PIN4: variants seen among roughly 807,000 people sequenced by gnomAD.
The protein encoded by PIN4 is peptidylprolyl cis/trans isomerase, NIMA-interacting 4, also known as peptidyl-prolyl cis-trans isomerase NIMA-interacting 4.
Under a neutral mutation model 8.3 loss-of-function variants are expected in PIN4, and 3 were observed. The ratio of observed to expected loss-of-function variants is 0.36; its 90% CI spans 0.16 to 0.93. PIN4 has a LOEUF of 0.93. Ranked by LOEUF, PIN4 falls within the 40% of genes least tolerant of loss-of-function variation. PIN4 has a pLI of 0.44. For missense variants in PIN4, 75 were observed against 100.6 expected (o/e 0.75, Z 1.09); for synonymous variants, 18 against 32.5 (o/e 0.55, Z 1.52).
At chrX:72,248,620 G>A (rs1008997205) in intron 3 of PIN4, among the ~76,000 whole-genome samples, 1 of 112,551 alleles carries the variant, frequency 8.9e-6, no homozygotes, top group Non-Finnish European at 1.9e-5. Flanking sequence ...GCTCATGCCT[G>A]TAATCCCATC....
chrX:72,230,975 A>C (rs189174224), intron 3 of PIN4, among the ~76,000 whole-genome samples: 101 of 111,826 alleles, frequency 9.0e-4, no homozygotes, highest in African/African-American at 3.2e-3. Context: ...TAAATAAATA[A>C]ATACATACAT....
At chrX:72,244,762 A>G (rs984827457) in intron 3 of PIN4, among the ~76,000 whole-genome samples, 3 of 110,743 alleles carry the variant, frequency 2.7e-5, no homozygotes, top group Non-Finnish European at 5.7e-5. Context: ...TAACCAAATG[A>G]AGTATTCATG....
chrX:72,238,780 G>A (rs1232566037), intron 3 of PIN4: 2 of 1,069,960 alleles, frequency 1.9e-6, no homozygotes, highest in South Asian at 2.0e-5. Flanking sequence ...AGGATCCGGG[G>A]GCCACCCCAC....
At chrX:72,219,490 G>T (rs187900952) in intron 3 of PIN4, among the ~76,000 whole-genome samples, 155 of 105,148 alleles carry the variant, frequency 1.5e-3, no homozygotes, top group African/African-American at 5.1e-3. Flanking sequence ...GGAGATGGAG[G>T]TTGCAGTAAG....
At chrX:72,237,277 G>T (rs770254990) in intron 3 of PIN4, among the ~76,000 whole-genome samples, 10 of 111,436 alleles carry the variant, frequency 9.0e-5, no homozygotes, top group Non-Finnish European at 1.5e-4. Context: ...CAGGAGGATT[G>T]CTTGAACTCA....
exon 4 of PIN4, chrX:72,262,819 T>A: frequency 1.2e-6 from 1 of 846,243 alleles, no homozygotes; most frequent in Non-Finnish European, 1.7e-6. Flanking sequence ...TGCAGATGGC[T>A]GATCTCATCT....
chrX:72,229,313 G>A lies in PIN4; in HGVS notation c.312+32409G>A, dbSNP rs576403734. ...CACCTGAAGCAAATGGAGCATTTCCGCAACTGGCTCGTTTGACAGCCTCTC... is the reference window on the plus strand; with the variant it reads ...CACCTGAAGCAAATGGAGCATTTCCACAACTGGCTCGTTTGACAGCCTCTC... On this transcript the variant is annotated intron_variant, in intron 3 of 3. Coordinates refer to the PIN4 transcript ENST00000423432. Among the ~76,000 whole-genome samples the A allele has an allele frequency of 3.5e-4, 39 of 111,767 alleles. No homozygotes were observed. The South Asian group carries it at 0.014, about 41-fold the overall frequency.
chrX:72,205,604 A>G (rs201813772), intron 3 of PIN4: 14 of 1,211,697 alleles, frequency 1.2e-5, no homozygotes, highest in Non-Finnish European at 8.9e-6. Context: ...TGTTTCACAG[A>G]TGAGAATTGA....
At chrX:72,258,528 T>C (rs1193136049) in intron 3 of PIN4, among the ~76,000 whole-genome samples, 3 of 111,327 alleles carry the variant, frequency 2.7e-5, no homozygotes. Context: ...CCTTACTCCT[T>C]GTACAAAAGC....
intron 3 of PIN4, among the ~76,000 whole-genome samples, chrX:72,223,688 C>A (rs1022334926): frequency 9.0e-6 from 1 of 111,528 alleles, no homozygotes; most frequent in Non-Finnish European, 1.9e-5. Flanking sequence ...ACAACAGAGA[C>A]AAGGAACAAA....
intron 3 of PIN4, among the ~76,000 whole-genome samples, chrX:72,243,383 T>G (rs1377151643): frequency 1.0e-5 from 1 of 97,761 alleles, no homozygotes; most frequent in African/African-American, 3.6e-5. Flanking sequence ...GGTATTGCTG[T>G]TTTTTTTTTT....
chrX:72,256,968 G>C (rs1468728498), intron 3 of PIN4, among the ~76,000 whole-genome samples: 1 of 112,079 alleles, frequency 8.9e-6, no homozygotes, highest in Admixed American at 9.5e-5. Context: ...TATATAGGCT[G>C]ACATTAAGGA....
intron 3 of PIN4, chrX:72,238,873 C>G: frequency 8.4e-7 from 1 of 1,197,101 alleles, no homozygotes; most frequent in South Asian, 1.8e-5. Context: ...GCTCTGGGCT[C>G]AAGGCCTCGG....
intron 3 of PIN4, among the ~76,000 whole-genome samples, chrX:72,255,309 T>C (rs1006388640): frequency 2.8e-5 from 3 of 107,301 alleles, no homozygotes; most frequent in Non-Finnish European, 5.7e-5. Flanking sequence ...ATAATAGTAA[T>C]AATAATAATC....
At chrX:72,212,817 C>T (rs969212299) in intron 3 of PIN4, among the ~76,000 whole-genome samples, 4 of 111,108 alleles carry the variant, frequency 3.6e-5, no homozygotes, top group East Asian at 2.8e-4. Context: ...TGGTGGCATG[C>T]GCCTAGACCC....
chrX:72,209,903 C>G (rs1569490254), intron 3 of PIN4, among the ~76,000 whole-genome samples: 1 of 110,931 alleles, frequency 9.0e-6, no homozygotes, highest in Non-Finnish European at 1.9e-5. Context: ...GAAATTGGAC[C>G]CCTACTCATA....
chrX:72,254,131 ACTGAAGC>A (rs1243923990), intron 3 of PIN4, among the ~76,000 whole-genome samples: 6 of 111,737 alleles, frequency 5.4e-5, no homozygotes, highest in African/African-American at 2.0e-4. Flanking sequence ...GAAACTCCTC[ACTGAAGC>A]CTACAGGTCC....
intron 2 of PIN4, among the ~76,000 whole-genome samples, chrX:72,192,934 C>A (rs1011783504): frequency 4.5e-5 from 5 of 111,390 alleles, no homozygotes; most frequent in Non-Finnish European, 7.5e-5. Context: ...TTACTTGTTG[C>A]TTGAACATTG....
rs5958791 is a variant in PIN4 at position 72,210,122 on chromosome X, T to C, written c.312+13218T>C. Among the ~76,000 whole-genome samples, 606 of 108,479 alleles carry C rather than the reference T, an allele frequency of 5.6e-3. 4 individuals are homozygous for C. The highest frequency in any genetic ancestry group is 0.02 in the African/African-American group (587 of 29,803). 94.2% of individuals were successfully genotyped at this position (108,479 alleles called of 115,157 possible). A position where few individuals can be genotyped will look rare whatever the true frequency, so the allele number is the denominator to read the frequency against. On this transcript the variant is annotated intron_variant, in intron 3 of 3. Transcript: ENST00000423432. ...GCTCATGACTGTGATCCCAGCACTT[T>C]TGGGAGGCCAAGGCAGGAGGATCGC... is the stretch of plus-strand genomic sequence containing the variant.
Sources: allele counts gnomAD v4.1 joint callset (sites outside exome capture counted in the v4.1 genomes callset), GRCh38; gene constraint gnomAD v4.1.1; transcripts MANE v1.5; gene names NCBI Gene and HGNC (gene_info 2026-07-23, HGNC 2026-07-21).